Variants in ACSL3 observed in about 807,000 individuals in gnomAD.
ACSL3 encodes the protein fatty acid CoA ligase Acsl3.
In ACSL3, 34 loss-of-function variants were observed where a neutral mutation model predicts 84.7. The observed-to-expected ratio is 0.40, with a 90% CI of 0.31 to 0.53. ACSL3 has a LOEUF of 0.53. ACSL3 is among the 20% of genes least tolerant of loss of function. The pLI, the probability that ACSL3 is intolerant of heterozygous loss-of-function variation, is 0.48. For missense variants in ACSL3, 680 were observed against 873.1 expected (o/e 0.78, Z 2.79); for synonymous variants, 315 against 299.4 (o/e 1.05, Z -0.54).
intron 16 of ACSL3, among the ~76,000 whole-genome samples, chr2:222,936,859 A>AAG (rs959061099): frequency 8.8e-4 from 133 of 151,360 alleles, no homozygotes; most frequent in African/African-American, 3.0e-3. Flanking sequence ...AGAGCAAATG[A>AAG]AGAGAGAGAG....
intron 11 of ACSL3, 28 bp from the exon 12 acceptor site, chr2:222,926,989 C>G: frequency 6.2e-7 from 1 of 1,604,002 alleles, no homozygotes; most frequent in South Asian, 1.1e-5. Flanking sequence ...GTTTTAAAAT[C>G]CTGTGGTTCT....
intron 1 of ACSL3, among the ~76,000 whole-genome samples, chr2:222,867,325 T>C (rs1695176798): frequency 6.6e-6 from 1 of 152,236 alleles, no homozygotes; most frequent in Non-Finnish European, 1.5e-5. Flanking sequence ...TTGAAAAATA[T>C]TTCATAAAAT....
At chr2:222,872,532 C>T (rs755379863) in intron 1 of ACSL3, among the ~76,000 whole-genome samples, 26 of 152,308 alleles carry the variant, frequency 1.7e-4, no homozygotes, top group Admixed American at 2.6e-4. Flanking sequence ...GTGATGGATG[C>T]TCCCACCAGG....
intron 1 of ACSL3, among the ~76,000 whole-genome samples, chr2:222,874,106 C>A (rs1331496759): frequency 6.6e-6 from 1 of 152,154 alleles, no homozygotes; most frequent in Non-Finnish European, 1.5e-5. Flanking sequence ...ACTGCAACCT[C>A]CATCTCCCGG....
chr2:222,877,702 G>A (rs1213985432), intron 1 of ACSL3, among the ~76,000 whole-genome samples: 1 of 152,178 alleles, frequency 6.6e-6, no homozygotes, highest in South Asian at 2.1e-4. Context: ...ACTACATCAT[G>A]TGTTAGATTA....
intron 14 of ACSL3, among the ~76,000 whole-genome samples, chr2:222,932,382 G>A (rs1574566625): frequency 6.6e-6 from 1 of 152,156 alleles, no homozygotes; most frequent in Non-Finnish European, 1.5e-5. Context: ...AGGCTGGAGT[G>A]CAGTGGCACC....
intron 2 of ACSL3, among the ~76,000 whole-genome samples, chr2:222,898,864 A>G (rs1266750400): frequency 2.6e-5 from 4 of 152,274 alleles, no homozygotes; most frequent in Non-Finnish European, 4.4e-5. Flanking sequence ...AAAACAAAAA[A>G]AGAAGCATTG....
chr2:222,922,482 C>CT (rs1696765769), intron 8 of ACSL3, among the ~76,000 whole-genome samples: 1 of 152,212 alleles, frequency 6.6e-6, no homozygotes, highest in Admixed American at 6.5e-5. Context: ...TGTGCGCCTC[C>CT]TTGCTTTTGG....
chr2:222,927,767 G>C (rs951991812), intron 12 of ACSL3, among the ~76,000 whole-genome samples: 21 of 152,144 alleles, frequency 1.4e-4, no homozygotes, highest in Non-Finnish European at 7.4e-5. Flanking sequence ...TTGCTTTCCG[G>C]TACAGGATAC....
chr2:222,923,023 T>C (rs535801552), intron 9 of ACSL3, 55 bp from the exon 10 acceptor site: 24 of 1,462,244 alleles, frequency 1.6e-5, no homozygotes, highest in Non-Finnish European at 2.3e-5. Flanking sequence ...AAGAATACCA[T>C]TGAATTTTAA....
chr2:222,922,966 T>C (rs754516691), intron 9 of ACSL3, 112 bp from the exon 10 acceptor site: 8 of 1,379,096 alleles, frequency 5.8e-6, no homozygotes, highest in Non-Finnish European at 8.0e-6. Flanking sequence ...TAAGTGCTTC[T>C]TAGACTGTAA....
chr2:222,921,162 A>G, intron 7 of ACSL3, 118 bp from the exon 8 acceptor site: 1 of 1,137,538 alleles, frequency 8.8e-7, no homozygotes, highest in Non-Finnish European at 1.3e-6. Flanking sequence ...ATATTTGTTG[A>G]ATTGAGTTAA....
At position 222,908,754 on chromosome 2, in the gene ACSL3, T is replaced by G. The variant is rs202110843; in HGVS notation, c.-19T>G. On this transcript the variant is annotated 5_prime_UTR_variant, in exon 4 of 17. Coordinates refer to ENST00000357430, the MANE Select transcript of ACSL3 (RefSeq NM_004457.5). ...CTAGATTCTCGCTGAAGTCTGTTAA[T>G]TCTACTTTTTGAGTACTTATGAATA... The G allele has an allele frequency of 4.5e-6, 7 of 1,563,630 alleles. No homozygotes were observed. The highest frequency in any genetic ancestry group is 5.1e-6 in the Non-Finnish European group (6 of 1,165,786).
intron 1 of ACSL3, among the ~76,000 whole-genome samples, chr2:222,877,978 C>A (rs1474194469): frequency 3.3e-5 from 5 of 151,940 alleles, no homozygotes; most frequent in Non-Finnish European, 7.4e-5. Flanking sequence ...TAATGTGTTT[C>A]TTTTGAGCTC....
intron 1 of ACSL3, among the ~76,000 whole-genome samples, chr2:222,879,867 C>G (rs1695546674): frequency 6.6e-6 from 1 of 151,620 alleles, no homozygotes; most frequent in African/African-American, 2.4e-5. Context: ...GAGACTGTTT[C>G]AGAATCAGAA....
At chr2:222,908,512 C>T (rs1277071825) in intron 3 of ACSL3, among the ~76,000 whole-genome samples, 1 of 152,156 alleles carries the variant, frequency 6.6e-6, no homozygotes, top group Non-Finnish European at 1.5e-5. Context: ...TTGGTTGGAA[C>T]AGCCGCCTGT....
chr2:222,943,980 A>G lies in ACSL3; in HGVS notation c.*2326A>G, dbSNP rs755087564. 4 of 152,156 alleles carry G rather than the reference A, an allele frequency of 2.6e-5. No individual in the cohort carries two copies. The highest frequency in any genetic ancestry group is 5.9e-5 in the Non-Finnish European group (4 of 67,984). 9.4% of individuals were successfully genotyped at this position (152,156 alleles called of 1,614,324 possible). A position where few individuals can be genotyped will look rare whatever the true frequency, so the allele number is the denominator to read the frequency against. Reference sequence around the variant, plus strand: ...GTTTACTGGGAATAAACTAAGCTCTATGAAGAATTCGTAAGCATTACATGT... The same window carrying G: ...GTTTACTGGGAATAAACTAAGCTCTGTGAAGAATTCGTAAGCATTACATGT... On this transcript the variant is annotated 3_prime_UTR_variant, in exon 17 of 17. Coordinates refer to ENST00000357430, the MANE Select transcript of ACSL3 (RefSeq NM_004457.5).
intron 5 of ACSL3, among the ~76,000 whole-genome samples, chr2:222,916,901 A>G (rs1406749805): frequency 6.6e-6 from 1 of 152,132 alleles, no homozygotes; most frequent in African/African-American, 2.4e-5. Flanking sequence ...AGGTTAAACA[A>G]TAGAGTTTTC....
At position 222,916,393 on chromosome 2, in the gene ACSL3, A is replaced by G. The variant is rs1171460442; in HGVS notation, c.453A>G (p.Leu151=). The part of the protein sequence containing the change: ...FVRAFNFGNG[L]QMLGQKPKTN... ...GAGCCTTTAATTTTGGAAATGGATT[A>G]CAGATGTTGGGTCAGAAACCAAAGA... Residue 151 remains leucine, a synonymous_variant, in exon 5 of 17, where the codon TTA becomes TTG. Transcript: ENST00000357430. 3.7e-6 allele frequency: 6 copies of G among 1,613,978 alleles called. No individual in the cohort carries two copies. Among genetic ancestry groups the G allele is most frequent in the Non-Finnish European group, 1.7e-6 (2 of 1,179,968 alleles).
Sources: gnomAD v4.1 joint callset for allele counts (sites outside exome capture counted in the v4.1 genomes callset) on GRCh38, gnomAD v4.1.1 for gene constraint, MANE v1.5 for transcripts, NCBI Gene and HGNC (gene_info 2026-07-23, HGNC 2026-07-21) for gene names.